Variants in SHISA9 observed in about 807,000 individuals in gnomAD.
SHISA9 encodes shisa family member 9, also known as protein shisa-9.
Under a neutral mutation model 38.0 loss-of-function variants are expected in SHISA9, and 13 were observed. That is an observed-to-expected ratio of 0.34 (90% CI 0.22 to 0.54). The LOEUF (loss-of-function observed/expected upper bound fraction) is 0.54, where lower values mean the gene tolerates loss of function less well. Among genes scored for constraint, SHISA9 ranks in the 20% least tolerant of loss-of-function variants. SHISA9 has a pLI of 0.91. For missense variants in SHISA9, 538 were observed against 575.8 expected (o/e 0.93, Z 0.67); for synonymous variants, 275 against 242.0 (o/e 1.14, Z -1.27).
At chr16:12,918,190 C>G (rs944694230) in intron 2 of SHISA9, among the ~76,000 whole-genome samples, 2 of 152,140 alleles carry the variant, frequency 1.3e-5, no homozygotes, top group Admixed American at 6.5e-5. Flanking sequence ...AATCCCATAG[C>G]CCCCCGAAGA....
At chr16:13,084,567 A>G (rs542924521) in intron 2 of SHISA9, among the ~76,000 whole-genome samples, 3 of 152,340 alleles carry the variant, frequency 2.0e-5, no homozygotes, top group Admixed American at 2.0e-4. Context: ...CACTCCAGAC[A>G]GGTTCCTCTT....
intron 2 of SHISA9, among the ~76,000 whole-genome samples, chr16:12,994,529 T>A (rs903737245): frequency 2.0e-5 from 3 of 152,180 alleles, no homozygotes; most frequent in African/African-American, 7.2e-5. Context: ...CCCAGATTTA[T>A]GGTGGTGGTG....
At chr16:13,299,742 T>C in the SHISA9 span, among the ~76,000 whole-genome samples, 1 of 150,834 alleles carries the variant, frequency 6.6e-6, no homozygotes, top group African/African-American at 2.4e-5. Context: ...AACCCGACAA[T>C]TGGCTTTAAA....
intron 2 of SHISA9, among the ~76,000 whole-genome samples, chr16:12,943,322 TGTGTGTGTGAGAGAGAGAGAGAGAGA>T (rs1567347614): frequency 8.6e-4 from 19 of 22,104 alleles, no homozygotes; most frequent in African/African-American, 2.9e-3. Flanking sequence ...TGTGTGTGTG[TGTGTGTGTGAGAGAGAGAGAGAGAGA>T]GAGAGAGAGA....
chr16:12,916,375 C>G (rs1168927871), intron 1 of SHISA9, among the ~76,000 whole-genome samples: 1 of 152,090 alleles, frequency 6.6e-6, no homozygotes. Context: ...AAAGAGAGAA[C>G]TAAATCTATG....
chr16:13,094,694 C>T (rs1460983722), intron 2 of SHISA9, among the ~76,000 whole-genome samples: 1 of 152,138 alleles, frequency 6.6e-6, no homozygotes, highest in Non-Finnish European at 1.5e-5. Flanking sequence ...CTAGACCTGT[C>T]TCCTGATTGG....
chr16:13,169,124 C>T (rs28691684), intron 2 of SHISA9, among the ~76,000 whole-genome samples: 56,191 of 152,058 alleles, frequency 0.37, 11,175 homozygotes, highest in Non-Finnish European at 0.43. Context: ...GAATAATACC[C>T]GCCCCTGGGT....
At chr16:13,534,716 C>CT in the SHISA9 span, among the ~76,000 whole-genome samples, 1 of 152,154 alleles carries the variant, frequency 6.6e-6, no homozygotes, top group Non-Finnish European at 1.5e-5. Context: ...CTCCTTCAGT[C>CT]TTTTTTGCTG....
At chr16:13,316,044 G>A in the SHISA9 span, among the ~76,000 whole-genome samples, 6 of 151,866 alleles carry the variant, frequency 4.0e-5, no homozygotes, top group Non-Finnish European at 2.9e-5. Context: ...AGCTTCAGAT[G>A]CCCAGTGTTG....
the SHISA9 span, among the ~76,000 whole-genome samples, chr16:13,359,356 A>G: frequency 6.6e-6 from 1 of 152,086 alleles, no homozygotes; most frequent in Non-Finnish European, 1.5e-5. Context: ...GGTGGTGGGC[A>G]CCTGTAATCC....
chr16:12,919,637 G>A (rs190211971), intron 2 of SHISA9, among the ~76,000 whole-genome samples: 1 of 152,306 alleles, frequency 6.6e-6, no homozygotes, highest in African/African-American at 2.4e-5. Flanking sequence ...CATGGAGAGA[G>A]ACTTGGGTGA....
chr16:13,244,369 G>C (rs1028465604), downstream of SHISA9, among the ~76,000 whole-genome samples: 1 of 152,122 alleles, frequency 6.6e-6, no homozygotes, highest in African/African-American at 2.4e-5. Context: ...CCCTGAGACA[G>C]CAAGACCAAG....
chr16:13,286,681 T>C, the SHISA9 span, among the ~76,000 whole-genome samples: 1 of 152,192 alleles, frequency 6.6e-6, no homozygotes, highest in Non-Finnish European at 1.5e-5. Context: ...TAATCACTGA[T>C]AAAAGAAATC....
At chr16:13,312,328 T>C in the SHISA9 span, among the ~76,000 whole-genome samples, 1 of 152,244 alleles carries the variant, frequency 6.6e-6, no homozygotes, top group African/African-American at 2.4e-5. Context: ...TAACTGCTCC[T>C]GTAACCCTTC....
At chr16:13,019,911 CTTT>C in intron 2 of SHISA9, among the ~76,000 whole-genome samples, 1 of 66,434 alleles carries the variant, frequency 1.5e-5, no homozygotes, top group Non-Finnish European at 3.3e-5. Flanking sequence ...TTCTTTCTTT[CTTT>C]CTTTCTTTCT....
chr16:13,508,312 A>G, the SHISA9 span, among the ~76,000 whole-genome samples: 526 of 152,344 alleles, frequency 3.5e-3, 7 homozygotes, highest in African/African-American at 0.012. Flanking sequence ...ATAATGCACC[A>G]TCATTTAATG....
intron 2 of SHISA9, among the ~76,000 whole-genome samples, chr16:12,963,786 C>G (rs906623445): frequency 6.6e-6 from 1 of 152,156 alleles, no homozygotes; most frequent in Non-Finnish European, 1.5e-5. Context: ...CAGGTGGAAG[C>G]TTTTGAGTTG....
rs191479049 is a variant in SHISA9 at position 13,060,181 on chromosome 16, G to T, written c.692-143213G>T. ...CCGGTTTCCTCTGTTCTCTCAATGCGCCCCGATGTGCCACATTATTGAAGC... is the reference window on the plus strand; with the variant it reads ...CCGGTTTCCTCTGTTCTCTCAATGCTCCCCGATGTGCCACATTATTGAAGC... On this transcript the variant is annotated intron_variant, in intron 2 of 4. Transcript: ENST00000558583. Among the ~76,000 whole-genome samples the T allele has an allele frequency of 5.9e-5, 9 of 152,160 alleles. No individual in the cohort carries two copies. The East Asian group carries it at 1.8e-3, about 30-fold the overall frequency.
intron 2 of SHISA9, among the ~76,000 whole-genome samples, chr16:12,968,766 GGT>G (rs1179898589): frequency 6.6e-6 from 1 of 152,040 alleles, no homozygotes; most frequent in African/African-American, 2.4e-5. Context: ...AGTGATGTGG[GGT>G]GTCTGTTGCT....
Sources: allele counts gnomAD v4.1 joint callset (sites outside exome capture counted in the v4.1 genomes callset), GRCh38; gene constraint gnomAD v4.1.1; transcripts MANE v1.5; gene names NCBI Gene and HGNC (gene_info 2026-07-23, HGNC 2026-07-21).